PIEZO1: variants seen among roughly 807,000 people sequenced by gnomAD.
PIEZO1 encodes the protein piezo-type mechanosensitive ion channel component 1.
In PIEZO1, 296 loss-of-function variants were observed where a neutral mutation model predicts 297.2. The observed-to-expected ratio is 1.00, with a 90% confidence interval of 0.91 to 1.10. The LOEUF (loss-of-function observed/expected upper bound fraction) is 1.10. PIEZO1 is among the 50% of genes least tolerant of loss of function. The probability of loss-of-function intolerance (pLI) is 0.00; values close to 1 mark genes in which losing one functional copy is unlikely to be tolerated. For missense variants in PIEZO1, 5,018 were observed against 3,455.5 expected (o/e 1.45, Z -11.34); for synonymous variants, 2,427 against 1,507.5 (o/e 1.61, Z -14.13).
intron 1 of PIEZO1, among the ~76,000 whole-genome samples, chr16:88,778,017 T>G (rs1196148330): frequency 6.6e-6 from 1 of 152,236 alleles, no homozygotes; most frequent in Admixed American, 6.5e-5. Flanking sequence ...CGGGAGCTCC[T>G]GCGGGCCTGG....
chr16:88,773,983 G>A (rs886782182), intron 1 of PIEZO1, among the ~76,000 whole-genome samples: 3 of 152,060 alleles, frequency 2.0e-5, no homozygotes, highest in Non-Finnish European at 2.9e-5. Context: ...CCTCCTCCCC[G>A]CCACTGCTGA....
At chr16:88,741,759 GGAGTGTGGATGGGT>G in intron 4 of PIEZO1, 143 bp from the exon 5 acceptor site, 1 of 250,880 alleles carries the variant, frequency 4.0e-6, no homozygotes, top group Middle Eastern at 1.2e-3. Context: ...GGTGCGGGTG[GGAGTGTGGATGGGT>G]CTCCAGGTGC....
chr16:88,778,993 T>A (rs1597491198), intron 1 of PIEZO1, among the ~76,000 whole-genome samples: 1 of 150,776 alleles, frequency 6.6e-6, no homozygotes, highest in African/African-American at 2.4e-5. Flanking sequence ...AGGACAGAGG[T>A]TCAAAGGGTT....
At chr16:88,763,400 C>T (rs1212220853) in intron 1 of PIEZO1, among the ~76,000 whole-genome samples, 4 of 152,160 alleles carry the variant, frequency 2.6e-5, no homozygotes, top group Non-Finnish European at 5.9e-5. Flanking sequence ...AGCAGTGGGC[C>T]AGGTATGGTG....
rs917536916 is a variant in PIEZO1 at position 88,736,841 on chromosome 16, G to A, written c.1196-102C>T. 4.5e-5 allele frequency: 31 copies of A among 692,034 alleles called. 1 individual carries two copies. The South Asian group carries it at 5.7e-4, about 13-fold the overall frequency. The allele number at this position is 692,034 out of a possible 1,614,324, so 42.9% of individuals were successfully genotyped here. A position where few individuals can be genotyped will look rare whatever the true frequency, so the allele number is the denominator to read the frequency against. ...GGCCCTGGGCAAGCACACAGCAGGA[G>A]AGACAGGCCCCCGGTGGGCTATGGG... is the stretch of plus-strand genomic sequence containing the variant. On this transcript the variant is annotated intron_variant, in intron 10 of 50. Transcript: ENST00000301015.
At chr16:88,733,831 C>T in intron 17 of PIEZO1, 75 bp downstream of exon 17, 8 of 1,464,422 alleles carry the variant, frequency 5.5e-6, no homozygotes, top group Non-Finnish European at 7.2e-6. Context: ...CCAGAGGGGA[C>T]TCTGCCAACG....
chr16:88,743,291 G>A (rs769118171), intron 2 of PIEZO1: 15 of 456,422 alleles, frequency 3.3e-5, no homozygotes, highest in South Asian at 1.4e-4. Flanking sequence ...GCAGGGGTCC[G>A]GACCAAAGTC....
intron 38 of PIEZO1, 42 bp from the exon 39 acceptor site, chr16:88,721,472 G>C: frequency 6.5e-7 from 1 of 1,539,170 alleles, no homozygotes. Flanking sequence ...TTGCCTCCCT[G>C]GTGGAGAGCA....
chr16:88,766,826 G>T (rs537306692), intron 1 of PIEZO1, among the ~76,000 whole-genome samples: 46 of 152,362 alleles, frequency 3.0e-4, no homozygotes, highest in African/African-American at 1.1e-3. Flanking sequence ...GAGCCACAGG[G>T]ACGATCACCT....
rs748121840 is a variant in PIEZO1, at chr16:88,726,406, C to T, written c.3846G>A (p.Glu1282=). 1 of 1,550,544 alleles carries T rather than the reference C, an allele frequency of 6.4e-7. No individual in the cohort carries two copies. The highest frequency in any genetic ancestry group is 8.7e-7 in the Non-Finnish European group (1 of 1,146,954). ...AGACGCTGTCCCAGATGATGCCAGC[C>T]TCCTCCACAGGCAGCAGGCAGTCCT... The part of the protein sequence containing the change: ...RDQDCLLPVE[E]AGIIWDSVCF... Residue 1282 remains glutamate, a synonymous_variant, in exon 27 of 51, where the codon GAG becomes GAA. Coordinates refer to ENST00000301015, the MANE Select transcript of PIEZO1 (RefSeq NM_001142864.4).
At chr16:88,741,387 G>C in intron 5 of PIEZO1, 91 bp downstream of exon 5, 4 of 1,224,512 alleles carry the variant, frequency 3.3e-6, no homozygotes, top group Non-Finnish European at 4.4e-6. Context: ...GTCTACATCT[G>C]TTTTAAAAAG....
intron 42 of PIEZO1, 44 bp from the exon 43 acceptor site, chr16:88,720,004 C>G (rs1912313906): frequency 6.5e-7 from 1 of 1,549,086 alleles, no homozygotes; most frequent in Admixed American, 2.0e-5. Flanking sequence ...AGAAACAGCC[C>G]CGCAGGGCCC....
rs2340980 is a variant in PIEZO1, at chr16:88,727,403, C to T, written c.3301+154G>A. Among the ~76,000 whole-genome samples the T allele has an allele frequency of 0.15, 22,673 of 149,276 alleles. 2,069 individuals carry two copies. Among genetic ancestry groups the T allele is most frequent in the East Asian group, 0.3 (1,528 of 5,146 alleles). On this transcript the variant is annotated intron_variant, in intron 23 of 50. Transcript: ENST00000301015. ...TGCCGTGCACACAGGCTGAGGTCTG[C>T]GTGCGTGCGTGCGAGGTCAGGGCCT...
rs539245893 is a variant in PIEZO1 at position 88,721,778 on chromosome 16, G to C, written c.5214+30C>G. The stretch of plus-strand genomic sequence containing the variant: ...GGGAGGGTCACGGCGCGGTGGGCCG[G>C]GCGCCCCCTCCCCCGCGGCCTCGGC... On this transcript the variant is annotated intron_variant, in intron 37 of 50. Coordinates refer to ENST00000301015, the MANE Select transcript of PIEZO1 (RefSeq NM_001142864.4). The C allele has an allele frequency of 6.1e-4, 932 of 1,536,914 alleles. 7 individuals are homozygous for C. The African/African-American group carries it at 0.012, about 19-fold the overall frequency.
intron 2 of PIEZO1, chr16:88,742,813 G>C: frequency 2.9e-6 from 1 of 341,442 alleles, no homozygotes; most frequent in East Asian, 8.0e-5. Flanking sequence ...CCCAGTGGGG[G>C]CTGCAGGTGG....
chr16:88,722,966 G>C lies in PIEZO1; in HGVS notation c.4539C>G (p.Phe1513Leu), dbSNP rs377025920. 112 of 1,543,570 alleles carry C rather than the reference G, an allele frequency of 7.3e-5. 1 individual carries two copies. In the African/African-American group the frequency reaches 1.1e-3, roughly 15 times the overall value. Residue 1513 changes from phenylalanine to leucine, a missense_variant, in exon 34 of 51, where the codon TTC (phenylalanine) becomes TTG (leucine). By Grantham distance (22) the Phe-to-Leu change is conservative. Transcript: ENST00000301015. ...VVQRVLSTAQ[F>L]LWMLGQALVD... ...CTAGCGCCTGCCCCAGCATCCACAG[G>C]AACTGCGCCGTGCTCAGCACCCTCT...
At chr16:88,743,708 A>G in intron 2 of PIEZO1, 2 of 451,250 alleles carry the variant, frequency 4.4e-6, no homozygotes, top group Admixed American at 4.7e-5. Context: ...CACATCCCTA[A>G]GCCTGACCGT....
intron 1 of PIEZO1, among the ~76,000 whole-genome samples, chr16:88,752,589 G>A (rs1906443685): frequency 6.6e-6 from 1 of 152,222 alleles, no homozygotes; most frequent in African/African-American, 2.4e-5. Context: ...AGGGGCTGGG[G>A]CTGGAGATGA....
At chr16:88,777,502 C>T (rs1907720121) in intron 1 of PIEZO1, among the ~76,000 whole-genome samples, 1 of 151,872 alleles carries the variant, frequency 6.6e-6, no homozygotes, top group African/African-American at 2.4e-5. Flanking sequence ...GTCACTGGCC[C>T]GCAGACACAT....
Sources: allele counts gnomAD v4.1 joint callset (sites outside exome capture counted in the v4.1 genomes callset), GRCh38; gene constraint gnomAD v4.1.1; transcripts MANE v1.5; gene names NCBI Gene and HGNC (gene_info 2026-07-23, HGNC 2026-07-21).